The following DENND4A variants were observed in gnomAD, a reference collection of about 807,000 sequenced individuals.
The protein encoded by DENND4A is DENN domain containing 4A.
A neutral mutation model predicts 199.3 loss-of-function variants in DENND4A; 70 were observed. The ratio of observed to expected loss-of-function variants is 0.35; its 90% CI spans 0.29 to 0.43. The LOEUF (loss-of-function observed/expected upper bound fraction) is 0.43. Among genes scored for constraint, DENND4A ranks in the 20% least tolerant of loss-of-function variants. The pLI is 1.00. For synonymous variants in DENND4A, 686 were observed against 766.9 expected (o/e 0.89, Z 1.74); for missense variants, 1,723 against 2,255.8 (o/e 0.76, Z 4.78).
intron 1 of DENND4A, among the ~76,000 whole-genome samples, chr15:65,782,911 A>C (rs1282714365): frequency 6.6e-6 from 1 of 152,092 alleles, no homozygotes; most frequent in Non-Finnish European, 1.5e-5. Context: ...CTAACAACCA[A>C]ATGAAGCAGT....
chr15:65,758,909 C>A (rs2076781973), intron 2 of DENND4A, among the ~76,000 whole-genome samples: 1 of 152,132 alleles, frequency 6.6e-6, no homozygotes, highest in African/African-American at 2.4e-5. Context: ...GAAAAATGAA[C>A]CACATTTTCC....
intron 23 of DENND4A, among the ~76,000 whole-genome samples, chr15:65,677,139 A>T (rs1377742794): frequency 1.3e-5 from 2 of 152,144 alleles, no homozygotes; most frequent in Non-Finnish European, 2.9e-5. Context: ...CCACCTTGGA[A>T]CCCATAAAGG....
chr15:65,731,774 T>C (rs2075968467), intron 8 of DENND4A, 74 bp from the exon 9 acceptor site: 3 of 1,041,942 alleles, frequency 2.9e-6, no homozygotes, highest in Middle Eastern at 2.5e-4. Flanking sequence ...GTTAAAAATA[T>C]ATAAAATAAT....
intron 12 of DENND4A, among the ~76,000 whole-genome samples, chr15:65,718,284 C>T (rs1273275071): frequency 6.6e-6 from 1 of 152,060 alleles, no homozygotes; most frequent in African/African-American, 2.4e-5. Flanking sequence ...TAGACCAAGG[C>T]AGGAGGATCA....
chr15:65,724,213 C>G (rs1848555591), intron 11 of DENND4A, among the ~76,000 whole-genome samples: 2 of 152,042 alleles, frequency 1.3e-5, no homozygotes, highest in African/African-American at 4.8e-5. Context: ...CAGGCGCGCA[C>G]CCCTACAGCC....
intron 14 of DENND4A, 117 bp downstream of exon 14, chr15:65,715,361 G>T: frequency 1.9e-6 from 2 of 1,031,540 alleles, no homozygotes; most frequent in Non-Finnish European, 2.6e-6. Context: ...AGTGGTCAAC[G>T]ATGAAAATGA....
chr15:65,712,002 C>T (rs1440870744), intron 14 of DENND4A, among the ~76,000 whole-genome samples: 2 of 152,190 alleles, frequency 1.3e-5, no homozygotes, highest in South Asian at 2.1e-4. Flanking sequence ...CAAAACACTG[C>T]TACCATTTGA....
intron 1 of DENND4A, among the ~76,000 whole-genome samples, chr15:65,767,082 T>TTC (rs988040104): frequency 6.6e-6 from 1 of 152,212 alleles, no homozygotes; most frequent in African/African-American, 2.4e-5. Context: ...TACTTTTTGA[T>TTC]TCTCTCACAT....
rs79614079 is a variant in DENND4A at position 65,756,122 on chromosome 15, G to A, written c.311+18C>T. 1.8e-4 allele frequency: 281 copies of A among 1,571,214 alleles called. 4 individuals are homozygous for A. In the East Asian group the frequency reaches 5.7e-3, roughly 32 times the overall value. ...TTATTTGGATCAATAACAGTAAGTCGTTTAAAAAAATACTTACCCCAGATC... is the reference window on the plus strand; with the variant it reads ...TTATTTGGATCAATAACAGTAAGTCATTTAAAAAAATACTTACCCCAGATC... On this transcript the variant is annotated intron_variant, in intron 3 of 32. Coordinates refer to ENST00000443035, the MANE Select transcript of DENND4A (RefSeq NM_001320835.1).
At chr15:65,768,561 G>A (rs1485013253) in intron 1 of DENND4A, among the ~76,000 whole-genome samples, 1 of 152,072 alleles carries the variant, frequency 6.6e-6, no homozygotes, top group Non-Finnish European at 1.5e-5. Context: ...AATGGAACAT[G>A]GAAGGACATA....
At chr15:65,783,135 T>A (rs924787697) in intron 1 of DENND4A, among the ~76,000 whole-genome samples, 9 of 152,074 alleles carry the variant, frequency 5.9e-5, no homozygotes, top group Non-Finnish European at 1.2e-4. Context: ...GGGGAAAAGG[T>A]TTGATTTAAG....
intron 11 of DENND4A, among the ~76,000 whole-genome samples, chr15:65,727,296 C>CA (rs1355366092): frequency 6.6e-6 from 1 of 150,806 alleles, no homozygotes. Context: ...ACTAAAAATA[C>CA]AAAAAAATTA....
intron 1 of DENND4A, among the ~76,000 whole-genome samples, chr15:65,785,596 G>A (rs950636433): frequency 6.0e-5 from 9 of 151,232 alleles, no homozygotes; most frequent in Non-Finnish European, 1.3e-4. Flanking sequence ...ACCGAAAAAT[G>A]TAGTATACAC....
intron 13 of DENND4A, 96 bp downstream of exon 13, chr15:65,717,681 AT>A: frequency 9.1e-7 from 1 of 1,096,614 alleles, no homozygotes; most frequent in Non-Finnish European, 1.3e-6. Context: ...ATAGGTATGT[AT>A]TCTCATAAAT....
intron 7 of DENND4A, among the ~76,000 whole-genome samples, chr15:65,736,370 C>G (rs968291502): frequency 1.3e-5 from 2 of 152,002 alleles, no homozygotes; most frequent in Admixed American, 6.6e-5. Context: ...GCAATTCTCC[C>G]TGCCTCAGCC....
At chr15:65,773,143 C>G (rs1200989942) in intron 1 of DENND4A, among the ~76,000 whole-genome samples, 1 of 152,026 alleles carries the variant, frequency 6.6e-6, no homozygotes, top group African/African-American at 2.4e-5. Flanking sequence ...TGGCTATGGT[C>G]TAGCCCTGAG....
intron 3 of DENND4A, among the ~76,000 whole-genome samples, chr15:65,754,629 G>A (rs777493018): frequency 2.2e-4 from 33 of 152,160 alleles, no homozygotes; most frequent in African/African-American, 4.8e-4. Flanking sequence ...ACATTTCTCC[G>A]AAGATATACA....
intron 2 of DENND4A, among the ~76,000 whole-genome samples, chr15:65,757,399 A>G (rs923026008): frequency 9.9e-5 from 15 of 152,072 alleles, no homozygotes; most frequent in Admixed American, 9.8e-4. Context: ...GTGTTTTAGA[A>G]GGCATTAAAA....
Position 65,756,271 on chromosome 15 carries a change from T to C in DENND4A, c.180A>G (p.Pro60=). 2 of 1,613,286 alleles carry C rather than the reference T, an allele frequency of 1.2e-6. No homozygotes were observed. Among genetic ancestry groups the C allele is most frequent in the Non-Finnish European group, 1.7e-6 (2 of 1,179,550 alleles). ...TAACATCAATACAGATATAATCCTGTGGGACTTCCTCCCCAAGAGATTTGA... is the reference window on the plus strand; with the variant it reads ...TAACATCAATACAGATATAATCCTGCGGGACTTCCTCCCCAAGAGATTTGA... ...VIIKSLGEEV[P]QDYICIDVTP... is the part of the protein sequence containing the mutation. The change falls in exon 3 of 33, where the codon CCA becomes CCG. Residue 60 remains proline (P), a synonymous_variant. Transcript: ENST00000443035.
Sources: gnomAD v4.1 joint callset for allele counts (sites outside exome capture counted in the v4.1 genomes callset) on GRCh38, gnomAD v4.1.1 for gene constraint, MANE v1.5 for transcripts, NCBI Gene and HGNC (gene_info 2026-07-23, HGNC 2026-07-21) for gene names.